Variants in SCAF8 observed in about 807,000 individuals in gnomAD.
SCAF8 encodes the protein SR-related CTD associated factor 8, also known as SR-related and CTD-associated factor 8.
SCAF8 carries 23 observed loss-of-function variants against 140.5 expected under a neutral mutation model. The ratio of observed to expected loss-of-function variants is 0.16; its 90% CI spans 0.12 to 0.23. The LOEUF (loss-of-function observed/expected upper bound fraction) is 0.23, where lower values mean the gene tolerates loss of function less well. SCAF8 is among the 10% of genes least tolerant of loss of function. The pLI is 1.00. For synonymous variants in SCAF8, 575 were observed against 528.9 expected (o/e 1.09, Z -1.20); for missense variants, 1,397 against 1,555.7 (o/e 0.90, Z 1.72).
At chr6:154,820,442 C>CA in intron 15 of SCAF8, 109 bp downstream of exon 15, 3 of 854,266 alleles carry the variant, frequency 3.5e-6, no homozygotes, top group Non-Finnish European at 3.6e-6. Context: ...ATTCATCTCC[C>CA]AAAAAAGAGA....
chr6:154,802,379 G>A (rs953021544), intron 7 of SCAF8, among the ~76,000 whole-genome samples: 20 of 152,008 alleles, frequency 1.3e-4, no homozygotes, highest in African/African-American at 4.6e-4. Context: ...CAGCACTTTG[G>A]GGGAGCGCAA....
intron 1 of SCAF8, among the ~76,000 whole-genome samples, chr6:154,770,507 G>A (rs969909031): frequency 2.6e-5 from 4 of 151,808 alleles, no homozygotes; most frequent in Non-Finnish European, 4.4e-5. Flanking sequence ...GGAGGTCAAG[G>A]CTGCAGTGAT....
chr6:154,741,676 G>A (rs906001718), intron 1 of SCAF8, among the ~76,000 whole-genome samples: 2 of 152,086 alleles, frequency 1.3e-5, no homozygotes, highest in Non-Finnish European at 2.9e-5. Context: ...CAAAGTGCTG[G>A]GATTACAGGT....
At chr6:154,785,930 A>G (rs1333916432) in intron 3 of SCAF8, among the ~76,000 whole-genome samples, 1 of 152,244 alleles carries the variant, frequency 6.6e-6, no homozygotes, top group African/African-American at 2.4e-5. Flanking sequence ...GTATATCTAT[A>G]AAAACTTAAT....
chr6:154,814,291 C>T (rs1025743515), intron 12 of SCAF8, among the ~76,000 whole-genome samples: 1 of 152,242 alleles, frequency 6.6e-6, no homozygotes, highest in African/African-American at 2.4e-5. Flanking sequence ...GCACTCCAGC[C>T]TGGGCAACAG....
rs753495761 is a variant in SCAF8, at chr6:154,832,446, C to G, written c.2867C>G (p.Ser956Trp). The G allele has an allele frequency of 6.2e-7, 1 of 1,614,150 alleles. No individual in the cohort carries two copies. Among genetic ancestry groups the G allele is most frequent in the Non-Finnish European group, 8.5e-7 (1 of 1,179,994 alleles). Residue 956 changes from serine to tryptophan, a missense_variant, in exon 20 of 20, where the codon TCG becomes TGG. By Grantham distance (177) the Ser-to-Trp change is radical (BLOSUM62 -3). This residue lies in a region of SCAF8 where 930 missense variants were observed against 874.6 expected (regional missense o/e 1.06). Coordinates refer to ENST00000367178, the MANE Select transcript of SCAF8 (RefSeq NM_014892.5). ...CCCCAACGGGGAATCCCACCCCCAT[C>G]GGTACTTGATTCAGCTCTTCATCCA... is the stretch of plus-strand genomic sequence containing the variant. ...IPPQRGIPPPSVLDSALHPPP... is the reference protein window; with the variant it reads ...IPPQRGIPPPWVLDSALHPPP...
chr6:154,815,440 T>C (rs1208703478), intron 12 of SCAF8, among the ~76,000 whole-genome samples: 3 of 152,208 alleles, frequency 2.0e-5, no homozygotes, highest in South Asian at 4.1e-4. Context: ...CTCATCCTCT[T>C]AGAATGGGAC....
At chr6:154,779,781 G>GTATA (rs59234248) in intron 3 of SCAF8, among the ~76,000 whole-genome samples, 32 of 144,270 alleles carry the variant, frequency 2.2e-4, no homozygotes, top group Middle Eastern at 3.5e-3. Context: ...GTGTGTGTGT[G>GTATA]TATATATATA....
chr6:154,733,918 C>T lies in SCAF8; in HGVS notation c.18C>T (p.Thr6=), dbSNP rs1179809358. 6.5e-6 allele frequency: 10 copies of T among 1,538,600 alleles called. No homozygotes were observed. The highest frequency in any genetic ancestry group is 1.2e-5 in the South Asian group (1 of 82,514). The change falls in exon 1 of 20, where the codon ACC becomes ACT. Residue 6 remains threonine, a synonymous_variant. Transcript: ENST00000367178. The stretch of plus-strand genomic sequence containing the variant: ...GCGACAACATGGAGGCCGTGAAGAC[C>T]TTCAATAGCGAGGTTGGTATGGCAG... MEAVK[T]FNSELYSLND...
Position 154,808,105 on chromosome 6 carries a change from G to A in SCAF8, c.1017G>A (p.Gly339=), listed in dbSNP as rs759723267. The A allele has an allele frequency of 1.9e-6, 3 of 1,613,902 alleles. No individual in the cohort carries two copies. The African/African-American group carries it at 4.0e-5, about 22-fold the overall frequency. ...AGGATAGTCAGGAAGGAACCTTTGG[G>A]TCAGAGCATTCAGCGTCACCATCAC... is the stretch of plus-strand genomic sequence containing the variant. ...TPQDSQEGTF[G]SEHSASPSQG... is the part of the protein sequence containing the mutation. Residue 339 remains glycine, a synonymous_variant, in exon 10 of 20, where the codon GGG becomes GGA. Transcript: ENST00000367178.
At chr6:154,770,419 CTCTCTA>C (rs1460825804) in intron 1 of SCAF8, among the ~76,000 whole-genome samples, 5 of 108,394 alleles carry the variant, frequency 4.6e-5, no homozygotes, top group Admixed American at 9.5e-5. Context: ...CTCTCTCTCT[CTCTCTA>C]GTTGAGTGTG....
chr6:154,756,755 G>A (rs1429917486), intron 1 of SCAF8, among the ~76,000 whole-genome samples: 4 of 152,124 alleles, frequency 2.6e-5, no homozygotes, highest in Non-Finnish European at 1.5e-5. Flanking sequence ...AGCTGGGCGC[G>A]GTGGCTCACA....
chr6:154,760,155 G>T (rs901049210), intron 1 of SCAF8, among the ~76,000 whole-genome samples: 8 of 152,052 alleles, frequency 5.3e-5, no homozygotes. Flanking sequence ...TTAGCCAGAT[G>T]TAGTGGTGCA....
chr6:154,829,278 A>G (rs904211656), intron 18 of SCAF8, among the ~76,000 whole-genome samples: 5 of 147,498 alleles, frequency 3.4e-5, no homozygotes, highest in African/African-American at 1.2e-4. Context: ...ACTCTAGCTT[A>G]CTTGGTTTTG....
intron 3 of SCAF8, among the ~76,000 whole-genome samples, chr6:154,781,381 G>A (rs1777079962): frequency 6.6e-6 from 1 of 152,172 alleles, no homozygotes; most frequent in Admixed American, 6.5e-5. Context: ...TCATGGATAG[G>A]AAGAATCAAT....
Position 154,801,994 on chromosome 6 carries a change from A to G in SCAF8, c.630A>G (p.Leu210=). 1.9e-6 allele frequency: 3 copies of G among 1,602,572 alleles called. No individual in the cohort carries two copies. Among genetic ancestry groups the G allele is most frequent in the Non-Finnish European group, 2.6e-6 (3 of 1,175,992 alleles). ...GQQLQQLIQT[L]QIQQQKPQPS... ...AGCTTCAACAATTAATACAAACCTT[A>G]CAGATACAACAACAGAAGCCCCAGC... The change falls in exon 7 of 20, where the codon TTA becomes TTG. Residue 210 remains leucine (L), a synonymous_variant. Transcript: ENST00000367178.
At chr6:154,811,276 A>T (rs149736166) in intron 12 of SCAF8, among the ~76,000 whole-genome samples, 54 of 152,312 alleles carry the variant, frequency 3.5e-4, no homozygotes, top group African/African-American at 1.2e-3. Flanking sequence ...CATGATTACC[A>T]TTAAGACGTT....
intron 8 of SCAF8, among the ~76,000 whole-genome samples, chr6:154,805,109 G>T (rs1320996854): frequency 2.6e-5 from 4 of 152,084 alleles, no homozygotes; most frequent in Non-Finnish European, 5.9e-5. Flanking sequence ...GTATTTAACA[G>T]CCTGAGATGG....
At chr6:154,795,429 C>T (rs1443487464) in intron 6 of SCAF8, among the ~76,000 whole-genome samples, 1 of 152,108 alleles carries the variant, frequency 6.6e-6, no homozygotes, top group Non-Finnish European at 1.5e-5. Flanking sequence ...AGACAGGAGT[C>T]CTATCTTAGA....
Sources: gnomAD v4.1 joint callset for allele counts (sites outside exome capture counted in the v4.1 genomes callset) on GRCh38, gnomAD v4.1.1 for gene constraint, gnomAD v4.1.1 regional missense constraint, MANE v1.5 for transcripts, NCBI Gene and HGNC (gene_info 2026-07-23, HGNC 2026-07-21) for gene names.